Variants in TMEM255B observed in about 807,000 individuals in gnomAD.
TMEM255B encodes the protein transmembrane protein 255B.
Under a neutral mutation model 34.5 loss-of-function variants are expected in TMEM255B, and 35 were observed. The ratio of observed to expected loss-of-function variants is 1.01; its 90% confidence interval spans 0.77 to 1.34. The LOEUF is 1.34. Ranked by LOEUF, TMEM255B falls within the 40% of genes most tolerant of loss-of-function variation. The probability of loss-of-function intolerance (pLI) is 0.00; values close to 1 mark genes in which losing one functional copy is unlikely to be tolerated. For missense variants in TMEM255B, 432 were observed against 433.2 expected (o/e 1.00, Z 0.02); for synonymous variants, 206 against 201.2 (o/e 1.02, Z -0.20).
intron 4 of TMEM255B, among the ~76,000 whole-genome samples, chr13:113,798,203 G>GA (rs1180530992): frequency 1.3e-5 from 2 of 151,816 alleles, no homozygotes; most frequent in African/African-American, 4.8e-5. Flanking sequence ...ATGGATGGAT[G>GA]TGGATGAATG....
chr13:113,798,289 ATGGATGGATGG>A, intron 4 of TMEM255B, among the ~76,000 whole-genome samples: 1 of 151,230 alleles, frequency 6.6e-6, no homozygotes, highest in South Asian at 2.1e-4. Flanking sequence ...ATAACGGATG[ATGGATGGATGG>A]TGGACAGATG....
Position 113,795,172 on chromosome 13 carries a change from A to C in TMEM255B, c.277A>C (p.Ser93Arg), listed in dbSNP as rs755253708. Residue 93 changes from serine (S) to arginine (R), a missense_variant, in exon 4 of 9, where the codon AGT becomes CGT. Ser to Arg is a moderately radical substitution (Grantham distance 110). Coordinates refer to ENST00000375353, the MANE Select transcript of TMEM255B (RefSeq NM_182614.4). ...GCTGGTGGCAGCGATCGTGTTTATC[A>C]GTTTTGGCGTGGTGGCCGCCTTCTG... ...QMLVAAIVFI[S>R]FGVVAAFCCA... 4 of 1,613,832 alleles carry C rather than the reference A, an allele frequency of 2.5e-6. No individual in the cohort carries two copies. In the Admixed American group the frequency reaches 5.0e-5, roughly 20 times the overall value.
rs537442360 is a variant in TMEM255B at position 113,806,019 on chromosome 13, C to T, written c.813+991C>T. On this transcript the variant is annotated intron_variant, in intron 8 of 8. Transcript: ENST00000375353. The surrounding 1 kb of genome is among the most constrained non-coding windows in gnomAD (Gnocchi z 4.2). ...GAAGGGCAGGGTGAACGTGGGGAGTCGTGAGTTTTGAAGTCACACATGACA... is the reference window on the plus strand; with the variant it reads ...GAAGGGCAGGGTGAACGTGGGGAGTTGTGAGTTTTGAAGTCACACATGACA... Among the ~76,000 whole-genome samples, 4 of 152,266 alleles carry T rather than the reference C, an allele frequency of 2.6e-5. No homozygotes were observed. The highest frequency in any genetic ancestry group is 1.9e-4 in the East Asian group (1 of 5,174).
chr13:113,798,603 G>A (rs1164965276), intron 4 of TMEM255B, among the ~76,000 whole-genome samples: 1 of 151,708 alleles, frequency 6.6e-6, no homozygotes, highest in East Asian at 1.9e-4. Flanking sequence ...ATGATGGATG[G>A]ATGGATGGAA....
At chr13:113,808,742 T>C (rs1349785521) in intron 8 of TMEM255B, among the ~76,000 whole-genome samples, 2 of 140,608 alleles carry the variant, frequency 1.4e-5, no homozygotes, top group African/African-American at 2.6e-5. Context: ...TACTCCGTGG[T>C]TCTTTGGGGT....
chr13:113,811,885 AC>A lies in TMEM255B; in HGVS notation c.969del (p.Tyr324ThrfsTer9). The part of the protein sequence containing the change: ...PTYFPPGEKP[P>X]PYAP The stretch of plus-strand genomic sequence containing the variant: ...CCTACTTTCCCCCGGGGGAGAAGCC[AC>A]CCCCCTACGCACCCTGATAGAGGCG... On this transcript the variant is annotated frameshift_variant, in exon 9 of 9. Transcript: ENST00000375353. LOFTEE classifies it high-confidence loss of function. The A allele has an allele frequency of 1.9e-6, 3 of 1,606,806 alleles. No individual in the cohort carries two copies. The highest frequency in any genetic ancestry group is 1.7e-6 in the Non-Finnish European group (2 of 1,177,658).
At chr13:113,805,317 A>G (rs1163467601) in intron 8 of TMEM255B, among the ~76,000 whole-genome samples, 1 of 152,190 alleles carries the variant, frequency 6.6e-6, no homozygotes, top group African/African-American at 2.4e-5. Flanking sequence ...TCCCCGCTGC[A>G]GTGGTGGAGG....
At chr13:113,810,891 C>T (rs901518906) in intron 8 of TMEM255B, among the ~76,000 whole-genome samples, 1 of 152,174 alleles carries the variant, frequency 6.6e-6, no homozygotes, top group East Asian at 1.9e-4. Context: ...ATACGTGGGG[C>T]CTTTCCCAAA....
intron 2 of TMEM255B, chr13:113,768,839 C>G (rs1047478465): frequency 5.3e-6 from 3 of 570,374 alleles, no homozygotes; most frequent in East Asian, 8.3e-5. Flanking sequence ...CTTCTCTTAC[C>G]CCAGAGTCAC....
At chr13:113,792,159 A>G (rs7490106) in intron 3 of TMEM255B, among the ~76,000 whole-genome samples, 62,941 of 151,986 alleles carry the variant, frequency 0.41, 14,218 homozygotes, top group East Asian at 0.72. Context: ...TGTTCAAACA[A>G]TTACATTTTT....
chr13:113,805,001 C>G lies in TMEM255B; in HGVS notation c.786C>G (p.Thr262=). The G allele has an allele frequency of 6.2e-7, 1 of 1,605,696 alleles. No individual in the cohort carries two copies. Among genetic ancestry groups the G allele is most frequent in the Non-Finnish European group, 8.5e-7 (1 of 1,179,148 alleles). Residue 262 remains threonine, a synonymous_variant, in exon 8 of 9, where the codon ACC becomes ACG. Coordinates refer to ENST00000375353, the MANE Select transcript of TMEM255B (RefSeq NM_182614.4). ...GFRLTPEPVP[T]CSSYPLPLQP... ...GCCTGACGCCCGAGCCCGTCCCGACCTGCTCGTCCTACCCTCTGCCCCTTC... is the reference window on the plus strand; with the variant it reads ...GCCTGACGCCCGAGCCCGTCCCGACGTGCTCGTCCTACCCTCTGCCCCTTC...
At chr13:113,773,095 A>C (rs1348079028) in intron 3 of TMEM255B, among the ~76,000 whole-genome samples, 2 of 152,210 alleles carry the variant, frequency 1.3e-5, no homozygotes, top group East Asian at 1.9e-4. Flanking sequence ...TAGTTCTTAG[A>C]GTATAAGTTT....
Position 113,812,982 on chromosome 13 carries a change from T to TGGGTCACAGGC in TMEM255B, c.*1079_*1080insGGGTCACAGGC, listed in dbSNP as rs1566342299. The TGGGTCACAGGC allele has an allele frequency of 4.5e-5, 5 of 110,758 alleles. No individual in the cohort carries two copies. Among genetic ancestry groups the TGGGTCACAGGC allele is most frequent in the African/African-American group, 2.2e-4 (5 of 22,400 alleles). The allele number at this position is 110,758 out of a possible 1,614,324, so 6.9% of individuals were successfully genotyped here. ...TCACGGGCCCCGGGTGGGTCACGGG[T>TGGGTCACAGGC]CCCGGGTGGGTCACGGGTCCCGAGT... On this transcript the variant is annotated 3_prime_UTR_variant, in exon 9 of 9. Transcript: ENST00000375353.
At chr13:113,802,883 C>T (rs1473495406) in intron 7 of TMEM255B, among the ~76,000 whole-genome samples, 2 of 148,178 alleles carry the variant, frequency 1.3e-5, no homozygotes, top group African/African-American at 4.9e-5. Flanking sequence ...GGTCCTTGCT[C>T]TGTGGTGACA....
chr13:113,779,979 A>G (rs1362298166), intron 3 of TMEM255B, among the ~76,000 whole-genome samples: 1 of 152,204 alleles, frequency 6.6e-6, no homozygotes, highest in Admixed American at 6.5e-5. Context: ...CAGCAAGAAT[A>G]ATTATTTTTC....
rs1056524176 is a variant in TMEM255B, at chr13:113,806,573, T to C, written c.813+1545T>C. ...TCCATTTCTGTGACGGGGGAAGATG[T>C]GGTCCCCAGGGTCAGATGGCGGGAG... On this transcript the variant is annotated intron_variant, in intron 8 of 8. Coordinates refer to ENST00000375353, the MANE Select transcript of TMEM255B (RefSeq NM_182614.4). The surrounding 1 kb of genome is among the most constrained non-coding windows in gnomAD (Gnocchi z 4.2). 1.3e-5 allele frequency among the ~76,000 whole-genome samples: 2 copies of C among 152,172 alleles called. No homozygotes were observed. The highest frequency in any genetic ancestry group is 4.8e-5 in the African/African-American group (2 of 41,444).
At chr13:113,789,346 T>C (rs1594142204) in intron 3 of TMEM255B, among the ~76,000 whole-genome samples, 1 of 152,202 alleles carries the variant, frequency 6.6e-6, no homozygotes. Context: ...GCAGTGGCCG[T>C]AGACATGCGC....
At chr13:113,779,540 GCTCT>G (rs1157871045) in intron 3 of TMEM255B, among the ~76,000 whole-genome samples, 3 of 151,620 alleles carry the variant, frequency 2.0e-5, no homozygotes, top group African/African-American at 4.9e-5. Flanking sequence ...TCCCGGAAGT[GCTCT>G]CTGTTTTGGG....
At chr13:113,802,470 G>A (rs1314584070) in intron 7 of TMEM255B, among the ~76,000 whole-genome samples, 1 of 152,208 alleles carries the variant, frequency 6.6e-6, no homozygotes, top group Non-Finnish European at 1.5e-5. Context: ...CAGGAGTGAG[G>A]GAGCCCCAAC....
Sources: gnomAD v4.1 joint callset for allele counts (sites outside exome capture counted in the v4.1 genomes callset) on GRCh38, gnomAD v4.1.1 for gene constraint, Gnocchi (gnomAD v3.1) non-coding constraint, MANE v1.5 for transcripts, NCBI Gene and HGNC (gene_info 2026-07-23, HGNC 2026-07-21) for gene names.